The following TSHZ3 variants were observed in gnomAD, a reference collection of about 807,000 sequenced individuals.
TSHZ3 encodes the protein teashirt zinc finger homeobox 3, also known as teashirt homolog 3.
Under a neutral mutation model 64.5 loss-of-function variants are expected in TSHZ3, and 10 were observed. The ratio of observed to expected loss-of-function variants is 0.16; its 90% CI spans 0.10 to 0.26. The LOEUF (loss-of-function observed/expected upper bound fraction) is 0.26. Ranked by LOEUF, TSHZ3 falls within the 10% of genes least tolerant of loss-of-function variation. The pLI is 1.00. For synonymous variants in TSHZ3, 608 were observed against 593.1 expected (o/e 1.03, Z -0.36); for missense variants, 1,242 against 1,421.7 (o/e 0.87, Z 2.03).
At chr19:31,224,774 C>A (rs975222990) in intron 4 of TSHZ3, among the ~76,000 whole-genome samples, 1 of 152,102 alleles carries the variant, frequency 6.6e-6, no homozygotes, top group African/African-American at 2.4e-5. Context: ...CAAGGGGAAT[C>A]CACCAAAATT....
At chr19:31,153,121 T>C (rs1599549584) in intron 6 of TSHZ3, among the ~76,000 whole-genome samples, 1 of 152,192 alleles carries the variant, frequency 6.6e-6, no homozygotes, top group African/African-American at 2.4e-5. Context: ...ATCATACTAA[T>C]CCTGCCATTG....
Position 31,191,336 on chromosome 19 carries a change from T to C in TSHZ3, n.809+13620A>G, listed in dbSNP as rs147342452. Among the ~76,000 whole-genome samples, 792 of 152,234 alleles carry C rather than the reference T, an allele frequency of 5.2e-3. 21 individuals are homozygous for C. Among genetic ancestry groups the C allele is most frequent in the Admixed American group, 0.043 (652 of 15,290 alleles). On this transcript the variant is annotated intron_variant and non_coding_transcript_variant, in intron 5 of 6. Transcript: ENST00000651361. Reference sequence around the variant, plus strand: ...ACATACAAGAAAAAAGCAATATGAGTACTGCTAATTTCTAGTCGGAAACAA... The same window carrying C: ...ACATACAAGAAAAAAGCAATATGAGCACTGCTAATTTCTAGTCGGAAACAA...
intron 5 of TSHZ3, among the ~76,000 whole-genome samples, chr19:31,169,749 G>A (rs1974510273): frequency 6.6e-6 from 1 of 152,154 alleles, no homozygotes; most frequent in Non-Finnish European, 1.5e-5. Context: ...GCCAGTAAGG[G>A]TGAGCCCTTG....
rs575999912 is a variant in TSHZ3, at chr19:31,186,354, G to A, written n.809+18602C>T. Among the ~76,000 whole-genome samples, 9 of 152,212 alleles carry A rather than the reference G, an allele frequency of 5.9e-5. No homozygotes were observed. In the East Asian group the frequency reaches 1.2e-3, roughly 20 times the overall value. ...GGAAGGTAATAGAATCATGGGGGGC[G>A]GTTACCCTCATGCTGTTCTCATGAT... On this transcript the variant is annotated intron_variant and non_coding_transcript_variant, in intron 5 of 6. Transcript: ENST00000651361.
intron 1 of TSHZ3, among the ~76,000 whole-genome samples, chr19:31,331,151 G>A (rs76783187): frequency 0.012 from 1,852 of 152,220 alleles, 41 homozygotes; most frequent in African/African-American, 0.042. Context: ...AGACCCCCGG[G>A]CTGAACCAAA....
chr19:31,157,569 C>T (rs1974321364), intron 5 of TSHZ3, among the ~76,000 whole-genome samples: 1 of 151,938 alleles, frequency 6.6e-6, no homozygotes, highest in African/African-American at 2.4e-5. Flanking sequence ...ATCACCAATA[C>T]AAAAAAATGT....
intron 1 of TSHZ3, among the ~76,000 whole-genome samples, chr19:31,334,109 C>T (rs1917173758): frequency 6.6e-6 from 1 of 152,070 alleles, no homozygotes; most frequent in Non-Finnish European, 1.5e-5. Flanking sequence ...CAGCTGACTA[C>T]GTGTTTGTTC....
At chr19:31,156,775 G>A (rs1395223469) in intron 5 of TSHZ3, among the ~76,000 whole-genome samples, 18 of 152,154 alleles carry the variant, frequency 1.2e-4, no homozygotes, top group Non-Finnish European at 1.6e-4. Flanking sequence ...ATGAAATAAA[G>A]TTTATCCTTT....
chr19:31,285,245 C>T (rs542977653), intron 1 of TSHZ3, among the ~76,000 whole-genome samples: 1 of 152,192 alleles, frequency 6.6e-6, no homozygotes, highest in South Asian at 2.1e-4. Context: ...TTTGGGAGGC[C>T]GAGGTGGAAG....
intron 1 of TSHZ3, among the ~76,000 whole-genome samples, chr19:31,337,465 G>C (rs926327020): frequency 7.9e-5 from 12 of 152,104 alleles, no homozygotes; most frequent in Admixed American, 7.2e-4. Flanking sequence ...CTGCAAATTG[G>C]CACTTGTACT....
chr19:31,317,669 G>A (rs1916642714), intron 1 of TSHZ3, among the ~76,000 whole-genome samples: 1 of 152,222 alleles, frequency 6.6e-6, no homozygotes, highest in South Asian at 2.1e-4. Context: ...CGCATCCCCA[G>A]ACTGGCTGCA....
At chr19:31,342,884 C>T (rs948958248) in intron 1 of TSHZ3, among the ~76,000 whole-genome samples, 13 of 152,152 alleles carry the variant, frequency 8.5e-5, no homozygotes, top group African/African-American at 2.9e-4. Context: ...GCAGCCAATC[C>T]AAAACCTGGC....
At chr19:31,350,655 A>G (rs2867601), upstream of TSHZ3, among the ~76,000 whole-genome samples, 80,272 of 151,144 alleles carry the variant, frequency 0.53, 22,038 homozygotes, top group East Asian at 0.93. Flanking sequence ...GGCCCGGCCG[A>G]CTGGCCGCGG....
chr19:31,212,145 T>A (rs913939253), intron 4 of TSHZ3, among the ~76,000 whole-genome samples: 1 of 152,060 alleles, frequency 6.6e-6, no homozygotes, highest in African/African-American at 2.4e-5. Flanking sequence ...GTTAGTGTAA[T>A]TTGTTAAAAA....
intron 5 of TSHZ3, among the ~76,000 whole-genome samples, chr19:31,157,018 G>T (rs527300116): frequency 2.0e-5 from 3 of 152,128 alleles, no homozygotes; most frequent in Non-Finnish European, 4.4e-5. Context: ...CTGAGAGCAG[G>T]GTGGTAAATT....
Position 31,278,844 on chromosome 19 carries a change from T to C in TSHZ3, c.949A>G (p.Ile317Val). 1 of 1,614,090 alleles carries C rather than the reference T, an allele frequency of 6.2e-7. No homozygotes were observed. The highest frequency in any genetic ancestry group is 8.5e-7 in the Non-Finnish European group (1 of 1,180,010). Reference sequence around the variant, plus strand: ...GAAGCTTTCTTCCGAGTGGCAGGGATGATTTTGGCGGCGACAGGAGTGACG... The same window carrying C: ...GAAGCTTTCTTCCGAGTGGCAGGGACGATTTTGGCGGCGACAGGAGTGACG... ...EPVTPVAAKI[I>V]PATRKKASLE... Residue 317 changes from isoleucine (I) to valine (V), a missense_variant, in exon 2 of 2, where the codon ATC becomes GTC. Physicochemically the swap from Ile to Val is conservative, Grantham distance 29. Around this residue, in one of 4 missense-constraint regions of TSHZ3, gnomAD observed 555 missense variants for 704.0 expected, o/e 0.79. Coordinates refer to ENST00000240587, the MANE Select transcript of TSHZ3 (RefSeq NM_020856.4). This position sits in a 1 kb window ranked among gnomAD's most constrained non-coding sequence, Gnocchi z 4.7.
chr19:31,280,691 C>A (rs767074056), intron 1 of TSHZ3, among the ~76,000 whole-genome samples: 29 of 152,322 alleles, frequency 1.9e-4, no homozygotes, highest in Middle Eastern at 3.4e-3. Context: ...CATGGGCATC[C>A]AACAGAGATC....
intron 1 of TSHZ3, among the ~76,000 whole-genome samples, chr19:31,258,488 C>A (rs1046459090): frequency 6.6e-6 from 1 of 152,166 alleles, no homozygotes; most frequent in African/African-American, 2.4e-5. Flanking sequence ...ATGAGTCTCT[C>A]CCTGGCTCTG....
At chr19:31,181,969 G>T (rs1294774670) in intron 5 of TSHZ3, among the ~76,000 whole-genome samples, 1 of 152,158 alleles carries the variant, frequency 6.6e-6, no homozygotes, top group Non-Finnish European at 1.5e-5. Context: ...ATCCTCTAGA[G>T]TCCGTGCTCC....
Sources: gnomAD v4.1 joint callset for allele counts (sites outside exome capture counted in the v4.1 genomes callset) on GRCh38, gnomAD v4.1.1 for gene constraint, gnomAD v4.1.1 regional missense constraint, Gnocchi (gnomAD v3.1) non-coding constraint, MANE v1.5 for transcripts, NCBI Gene and HGNC (gene_info 2026-07-23, HGNC 2026-07-21) for gene names.